The following ZNF460 variants were observed in gnomAD, a reference collection of about 807,000 sequenced individuals.
ZNF460 encodes zinc finger protein 460, also known as zinc finger protein 272.
ZNF460 carries 1 observed loss-of-function variant against 8.4 expected under a neutral mutation model. The ratio of observed to expected loss-of-function variants is 0.12; its 90% CI spans 0.04 to 0.56. ZNF460 has a LOEUF of 0.56. ZNF460 is among the 20% of genes least tolerant of loss of function. ZNF460 has a pLI of 0.91. For synonymous variants in ZNF460, 262 were observed against 259.9 expected (o/e 1.01, Z -0.08); for missense variants, 477 against 714.8 (o/e 0.67, Z 3.79).
chr19:57,282,940 G>A (rs1019784369), intron 1 of ZNF460, among the ~76,000 whole-genome samples: 2 of 151,426 alleles, frequency 1.3e-5, no homozygotes, highest in South Asian at 2.1e-4. Context: ...GCAGTGAGCC[G>A]ACATTGTGCC....
At chr19:57,281,412 A>C (rs769067095) in intron 1 of ZNF460, among the ~76,000 whole-genome samples, 1 of 152,096 alleles carries the variant, frequency 6.6e-6, no homozygotes, top group Non-Finnish European at 1.5e-5. Flanking sequence ...TGATGGTATT[A>C]AAGAAGCTTG....
In ZNF460 at chr19:57,280,617, T is replaced by G. The variant is rs1406382111; in HGVS notation, c.-190T>G. On this transcript the variant is annotated 5_prime_UTR_variant, in exon 1 of 3. Transcript: ENST00000360338. ...GCCCCGCTTCTCCCCTAACGAGGTG[T>G]CCCACCGGCGCCCGCCGAGGCCTAG... 7.0e-6 allele frequency: 5 copies of G among 709,244 alleles called. No homozygotes were observed. The highest frequency in any genetic ancestry group is 8.2e-4 in the Middle Eastern group (2 of 2,452). The allele number at this position is 709,244 out of a possible 1,614,324, so 43.9% of individuals were successfully genotyped here. A position where few individuals can be genotyped will look rare whatever the true frequency, so the allele number is the denominator to read the frequency against.
chr19:57,282,171 C>T (rs2087845074), intron 1 of ZNF460, among the ~76,000 whole-genome samples: 1 of 152,198 alleles, frequency 6.6e-6, no homozygotes, highest in Admixed American at 6.5e-5. Context: ...AAGGAGTTCT[C>T]AGGGGACCTG....
At position 57,280,758 on chromosome 19, in the gene ZNF460, G is replaced by A. The variant is rs1203037377; in HGVS notation, c.-49G>A. ...TGCGAAAGTCAGCCGAGGTCGCCCC[G>A]CCCAGGACAGAGAAGGGCTGTGGTC... On this transcript the variant is annotated 5_prime_UTR_variant, in exon 1 of 3. Coordinates refer to ENST00000360338, the MANE Select transcript of ZNF460 (RefSeq NM_006635.4). The A allele has an allele frequency of 1.2e-6, 2 of 1,612,102 alleles. No individual in the cohort carries two copies. Among genetic ancestry groups the A allele is most frequent in the Middle Eastern group, 1.7e-4 (1 of 6,028 alleles).
Position 57,292,078 on chromosome 19 carries a change from T to C in ZNF460, c.1537T>C (p.Ser513Pro). 6.2e-7 allele frequency: 1 copy of C among 1,614,174 alleles called. No individual in the cohort carries two copies. The highest frequency in any genetic ancestry group is 8.5e-7 in the Non-Finnish European group (1 of 1,180,032). ...CGAACCCATCCAGAGTGGGAACGTTTCTTGTGAGAGCACAGATCTCATTCA... is the reference window on the plus strand; with the variant it reads ...CGAACCCATCCAGAGTGGGAACGTTCCTTGTGAGAGCACAGATCTCATTCA... ...SHEPIQSGNV[S>P]CESTDLIQHS... The change falls in exon 3 of 3, where the codon TCT becomes CCT. Residue 513 changes from serine to proline, a missense_variant. Ser to Pro is a moderately conservative substitution (Grantham distance 74). Coordinates refer to ENST00000360338, the MANE Select transcript of ZNF460 (RefSeq NM_006635.4).
Position 57,293,666 on chromosome 19 carries a change from G to C in ZNF460, c.*1436G>C, listed in dbSNP as rs927678208. On this transcript the variant is annotated 3_prime_UTR_variant, in exon 3 of 3. Transcript: ENST00000360338. ...TTCTAGCTATTTGAAAATATAAAAT[G>C]TATTATTGCCAATTGTACTCATTCT... 7 of 152,100 alleles carry C rather than the reference G, an allele frequency of 4.6e-5. No individual in the cohort carries two copies. Among genetic ancestry groups the C allele is most frequent in the Non-Finnish European group, 2.9e-5 (2 of 68,006 alleles). The allele number at this position is 152,100 out of a possible 1,614,324, so 9.4% of individuals were successfully genotyped here.
rs745417213 is a variant in ZNF460 at position 57,291,210 on chromosome 19, C to A, written c.669C>A (p.Pro223=). 1 of 1,614,166 alleles carries A rather than the reference C, an allele frequency of 6.2e-7. No individual in the cohort carries two copies. The highest frequency in any genetic ancestry group is 8.5e-7 in the Non-Finnish European group (1 of 1,180,034). ...QHHIIHTGEK[P]YKCLECGKDF... is the part of the protein sequence containing the mutation. The stretch of plus-strand genomic sequence containing the variant: ...ACATCATCCATACTGGGGAGAAGCC[C>A]TATAAATGCCTGGAGTGTGGGAAAG... The change falls in exon 3 of 3, where the codon CCC becomes CCA. Residue 223 remains proline, a synonymous_variant. Coordinates refer to ENST00000360338, the MANE Select transcript of ZNF460 (RefSeq NM_006635.4). The surrounding 1 kb of genome is among the most constrained non-coding windows in gnomAD (Gnocchi z 8.4).
intron 1 of ZNF460, among the ~76,000 whole-genome samples, chr19:57,281,100 G>C (rs2087835552): frequency 6.6e-6 from 1 of 152,112 alleles, no homozygotes; most frequent in Non-Finnish European, 1.5e-5. Flanking sequence ...TCTGTTGCCT[G>C]CCAGCCCGTA....
rs970059331 is a variant in ZNF460, at chr19:57,291,092, T to C, written c.551T>C (p.Val184Ala). 5 of 1,614,100 alleles carry C rather than the reference T, an allele frequency of 3.1e-6. No homozygotes were observed. The Admixed American group carries it at 6.7e-5, about 22-fold the overall frequency. The change falls in exon 3 of 3, where the codon GTT becomes GCT. Residue 184 changes from valine (V) to alanine (A), a missense_variant. This residue lies in a region of ZNF460 where 169 missense variants were observed against 178.6 expected (regional missense o/e 0.95). Coordinates refer to ENST00000360338, the MANE Select transcript of ZNF460 (RefSeq NM_006635.4). This position sits in a 1 kb window ranked among gnomAD's most constrained non-coding sequence, Gnocchi z 8.4. Reference sequence around the variant, plus strand: ...ATGTTTAATGAGAATTGCTTCCTTGTTCAGCATGAGCAGATTCTCCCTCGT... The same window carrying C: ...ATGTTTAATGAGAATTGCTTCCTTGCTCAGCATGAGCAGATTCTCCCTCGT... ...EEMFNENCFL[V>A]QHEQILPRVK...
At chr19:57,290,572 C>T in intron 2 of ZNF460, 127 bp from the exon 3 acceptor site, 1 of 970,442 alleles carries the variant, frequency 1.0e-6, no homozygotes. Context: ...GCCACTGTAC[C>T]CAGCCCATCA....
chr19:57,281,445 G>A (rs1242800463), intron 1 of ZNF460, among the ~76,000 whole-genome samples: 1 of 151,604 alleles, frequency 6.6e-6, no homozygotes, highest in Non-Finnish European at 1.5e-5. Flanking sequence ...TGTCAAGGAT[G>A]TAATGGGAAC....
In ZNF460 at chr19:57,281,556, ATTTT is replaced by A. The variant is rs71293946; in HGVS notation, c.30+744_30+747del. On this transcript the variant is annotated intron_variant, in intron 1 of 2. Coordinates refer to ENST00000360338, the MANE Select transcript of ZNF460 (RefSeq NM_006635.4). ...AACCCTCAGTTCGTTTAACCCTGAA[ATTTT>A]TTTTTTTTTTTTTTTTTTTTTTTGA... Among the ~76,000 whole-genome samples, 9 of 85,066 alleles carry A rather than the reference ATTTT, an allele frequency of 1.1e-4. 1 individual carries two copies. Among genetic ancestry groups the A allele is most frequent in the African/African-American group, 3.4e-4 (7 of 20,542 alleles). The allele number at this position is 85,066 out of a possible 152,430, so 55.8% of individuals were successfully genotyped here.
In ZNF460 at chr19:57,292,515, G is replaced by A; in HGVS notation, c.*285G>A. 3 of 317,276 alleles carry A rather than the reference G, an allele frequency of 9.5e-6. No homozygotes were observed. The South Asian group carries it at 1.7e-4, about 17-fold the overall frequency. The allele number at this position is 317,276 out of a possible 1,614,324, so 19.7% of individuals were successfully genotyped here. ...ATGAAAGAGACCCAGTGGTTACTGT[G>A]CACTTAGGAAAACCTTCAGCCACAT... On this transcript the variant is annotated 3_prime_UTR_variant, in exon 3 of 3. Coordinates refer to ENST00000360338, the MANE Select transcript of ZNF460 (RefSeq NM_006635.4).
In ZNF460 at chr19:57,288,854, T is replaced by C. The variant is rs970257101; in HGVS notation, c.158-1845T>C. On this transcript the variant is annotated intron_variant, in intron 2 of 2. Transcript: ENST00000360338. Reference sequence around the variant, plus strand: ...CCATCCTTTTTACTCTTACATACTCTCCAAGGCTAATCCACACATTCTTTT... The same window carrying C: ...CCATCCTTTTTACTCTTACATACTCCCCAAGGCTAATCCACACATTCTTTT... Among the ~76,000 whole-genome samples, 16 of 151,812 alleles carry C rather than the reference T, an allele frequency of 1.1e-4. 1 individual carries two copies. Among genetic ancestry groups the C allele is most frequent in the Non-Finnish European group, 2.9e-5 (2 of 67,966 alleles).
Position 57,280,905 on chromosome 19 carries a change from G to A in ZNF460, c.30+69G>A. 1.9e-6 allele frequency: 3 copies of A among 1,593,408 alleles called. No homozygotes were observed. The Admixed American group carries it at 5.2e-5, about 28-fold the overall frequency. On this transcript the variant is annotated intron_variant, in intron 1 of 2. Coordinates refer to ENST00000360338, the MANE Select transcript of ZNF460 (RefSeq NM_006635.4). Reference sequence around the variant, plus strand: ...TAGAGGCCTCGTGGGCAGGCTGGAAGCCAAGACAGCCACAGGATTTTTCTT... The same window carrying A: ...TAGAGGCCTCGTGGGCAGGCTGGAAACCAAGACAGCCACAGGATTTTTCTT...
chr19:57,290,800 T>C lies in ZNF460; in HGVS notation c.259T>C (p.Tyr87His), dbSNP rs1229108348. 6.2e-7 allele frequency: 1 copy of C among 1,614,186 alleles called. No individual in the cohort carries two copies. The highest frequency in any genetic ancestry group is 1.7e-5 in the Admixed American group (1 of 60,018). Residue 87 changes from tyrosine to histidine, a missense_variant, in exon 3 of 3, where the codon TAC becomes CAC. Around this residue, in one of 5 missense-constraint regions of ZNF460, gnomAD observed 169 missense variants for 178.6 expected, o/e 0.95. Coordinates refer to ENST00000360338, the MANE Select transcript of ZNF460 (RefSeq NM_006635.4). ...ACAGCTGGCACAGGGAGTCCCAAGA[T>C]ACTCCTATTTGGGGCAGGCCATGGA... Reference protein sequence around the residue: ...QEQLAQGVPRYSYLGQAMDQD... With the variant: ...QEQLAQGVPRHSYLGQAMDQD...
chr19:57,281,832 C>G (rs1416491337), intron 1 of ZNF460: 2 of 152,138 alleles, frequency 1.3e-5, no homozygotes, highest in East Asian at 1.9e-4. Context: ...TCCCAAAGTG[C>G]TGGGATTACT....
At chr19:57,281,725 C>A (rs1231204010) in intron 1 of ZNF460, among the ~76,000 whole-genome samples, 2 of 151,926 alleles carry the variant, frequency 1.3e-5, no homozygotes. Flanking sequence ...GCCACCACGC[C>A]TGGCTAATTT....
At chr19:57,280,986 C>T in intron 1 of ZNF460, 150 bp downstream of exon 1, 1 of 1,180,446 alleles carries the variant, frequency 8.5e-7, no homozygotes. Context: ...CCTTTATCCG[C>T]AGTCCTGCAA....
Sources: gnomAD v4.1 joint callset for allele counts (sites outside exome capture counted in the v4.1 genomes callset) on GRCh38, gnomAD v4.1.1 for gene constraint, gnomAD v4.1.1 regional missense constraint, Gnocchi (gnomAD v3.1) non-coding constraint, MANE v1.5 for transcripts, NCBI Gene and HGNC (gene_info 2026-07-23, HGNC 2026-07-21) for gene names.